PALM2AKAP2: variants seen among roughly 807,000 people sequenced by gnomAD.
PALM2AKAP2 encodes PALM2-AKAP2 fusion protein.
Under a neutral mutation model 71.5 loss-of-function variants are expected in PALM2AKAP2, and 37 were observed. That is an observed-to-expected ratio of 0.52 (90% CI 0.40 to 0.68). The LOEUF (loss-of-function observed/expected upper bound fraction) is 0.68. PALM2AKAP2 is among the 30% of genes least tolerant of loss of function. PALM2AKAP2 has a pLI of 0.00. For synonymous variants in PALM2AKAP2, 468 were observed against 478.8 expected, an observed-to-expected ratio of 0.98 and a Z score of 0.29; for missense variants, 1,224 against 1,191.8, an observed-to-expected ratio of 1.03 and a Z score of -0.40.
intron 1 of PALM2AKAP2, among the ~76,000 whole-genome samples, chr9:109,693,286 T>G (rs1827924407): frequency 6.6e-6 from 1 of 151,980 alleles, no homozygotes; most frequent in Non-Finnish European, 1.5e-5. Context: ...TCTCTCATTA[T>G]TCTGTCTGTA....
chr9:109,658,690 AT>A (rs1827344719), intron 1 of PALM2AKAP2, among the ~76,000 whole-genome samples: 1 of 152,192 alleles, frequency 6.6e-6, no homozygotes, highest in African/African-American at 2.4e-5. Context: ...CACATCTTAC[AT>A]GGCAGCAAGC....
intron 5 of PALM2AKAP2, among the ~76,000 whole-genome samples, chr9:109,926,821 T>C (rs1774025613): frequency 1.3e-5 from 2 of 152,214 alleles, no homozygotes; most frequent in African/African-American, 4.8e-5. Context: ...TCATACTCTG[T>C]GACTTGTTAA....
intron 1 of PALM2AKAP2, among the ~76,000 whole-genome samples, chr9:109,766,796 A>T (rs1437594122): frequency 1.3e-5 from 2 of 152,182 alleles, no homozygotes; most frequent in Non-Finnish European, 2.9e-5. Context: ...CATAATGTAG[A>T]TATTATTGTC....
At chr9:110,051,987 C>T (rs1041361012) in intron 1 of PALM2AKAP2, among the ~76,000 whole-genome samples, 1 of 151,844 alleles carries the variant, frequency 6.6e-6, no homozygotes, top group South Asian at 2.1e-4. Context: ...ACTGCAAGCT[C>T]CGCTTCCCCG....
rs564503526 is a variant in PALM2AKAP2 at position 109,854,649 on chromosome 9, G to A, written c.46-12842G>A. Among the ~76,000 whole-genome samples the A allele has an allele frequency of 5.3e-5, 8 of 151,338 alleles. No homozygotes were observed. In the South Asian group the frequency reaches 1.7e-3, roughly 32 times the overall value. On this transcript the variant is annotated intron_variant, in intron 1 of 9. Transcript: ENST00000302798. ...TTTAGCATGTATGCAGAGGATAGAT[G>A]CTATCCTGTAGCATGATCATTTATA...
chr9:110,129,132 G>T (rs1038210234), intron 1 of PALM2AKAP2, among the ~76,000 whole-genome samples: 2 of 152,186 alleles, frequency 1.3e-5, no homozygotes, highest in African/African-American at 4.8e-5. Flanking sequence ...TCCCCAGACC[G>T]TGCAAGAAGT....
intron 1 of PALM2AKAP2, among the ~76,000 whole-genome samples, chr9:110,085,032 G>A (rs1029538616): frequency 6.6e-5 from 10 of 152,142 alleles, no homozygotes; most frequent in African/African-American, 1.7e-4. Flanking sequence ...GAGCCACCGC[G>A]CCCGGCCTAG....
intron 1 of PALM2AKAP2, among the ~76,000 whole-genome samples, chr9:109,741,259 G>A (rs1170719634): frequency 6.6e-6 from 1 of 152,212 alleles, no homozygotes; most frequent in African/African-American, 2.4e-5. Context: ...TCAATGGAAT[G>A]TTTTAGAGAT....
At chr9:110,065,663 A>G (rs541006196) in intron 1 of PALM2AKAP2, among the ~76,000 whole-genome samples, 139 of 152,358 alleles carry the variant, frequency 9.1e-4, no homozygotes, top group African/African-American at 3.2e-3. Context: ...AACTCTTTCA[A>G]CTTGCAAAAC....
At chr9:109,980,095 C>T (rs1436085493) in intron 6 of PALM2AKAP2, among the ~76,000 whole-genome samples, 1 of 152,194 alleles carries the variant, frequency 6.6e-6, no homozygotes, top group Non-Finnish European at 1.5e-5. Flanking sequence ...TAAACCCTCA[C>T]TGTGCCCTGT....
chr9:109,923,416 A>G (rs1430931112), intron 3 of PALM2AKAP2, among the ~76,000 whole-genome samples: 2 of 152,222 alleles, frequency 1.3e-5, no homozygotes, highest in African/African-American at 4.8e-5. Context: ...GTCCTATGCT[A>G]TGTAAATATA....
chr9:109,780,769 A>T (rs1829431247), intron 1 of PALM2AKAP2, among the ~76,000 whole-genome samples: 1 of 152,122 alleles, frequency 6.6e-6, no homozygotes, highest in Non-Finnish European at 1.5e-5. Context: ...TTAAAAAAAG[A>T]TGCTTGCTGC....
chr9:109,972,177 C>T (rs1265492433), intron 6 of PALM2AKAP2, among the ~76,000 whole-genome samples: 1 of 152,188 alleles, frequency 6.6e-6, no homozygotes, highest in Non-Finnish European at 1.5e-5. Context: ...CCTATAAATA[C>T]AACTTCAACA....
At chr9:109,766,137 A>C (rs1829149579) in intron 1 of PALM2AKAP2, among the ~76,000 whole-genome samples, 1 of 152,216 alleles carries the variant, frequency 6.6e-6, no homozygotes, top group Non-Finnish European at 1.5e-5. Context: ...AAAGCACTTA[A>C]GGACATGCTA....
At chr9:109,953,957 T>G (rs1831696438) in intron 6 of PALM2AKAP2, among the ~76,000 whole-genome samples, 1 of 152,110 alleles carries the variant, frequency 6.6e-6, no homozygotes, top group African/African-American at 2.4e-5. Context: ...AGTTCTTATT[T>G]TGCACCTTTA....
rs566061055 is a variant in PALM2AKAP2, at chr9:110,025,272, C to T, written c.582+9233C>T. Reference sequence around the variant, plus strand: ...CACCTTTCTTATAGATTCGCATATACGTGGCCAAAGGAACAACTCCATGTT... The same window carrying T: ...CACCTTTCTTATAGATTCGCATATATGTGGCCAAAGGAACAACTCCATGTT... On this transcript the variant is annotated intron_variant, in intron 7 of 9. Transcript: ENST00000302798. The T allele has an allele frequency of 5.1e-5, 59 of 1,157,116 alleles. No homozygotes were observed. The East Asian group carries it at 5.1e-4, about 10-fold the overall frequency. 71.7% of individuals were successfully genotyped at this position (1,157,116 alleles called of 1,614,324 possible).
At chr9:109,804,304 G>A (rs1172002794) in intron 1 of PALM2AKAP2, among the ~76,000 whole-genome samples, 4 of 152,120 alleles carry the variant, frequency 2.6e-5, no homozygotes, top group African/African-American at 7.2e-5. Flanking sequence ...AATATCATCT[G>A]TATACTTTGA....
At chr9:109,977,861 T>C (rs1588041646) in intron 6 of PALM2AKAP2, among the ~76,000 whole-genome samples, 1 of 152,042 alleles carries the variant, frequency 6.6e-6, no homozygotes, top group African/African-American at 2.4e-5. Context: ...CACCTTGAAA[T>C]AGGGATAAAC....
chr9:110,166,343 T>A (rs572330596), intron 3 of PALM2AKAP2, among the ~76,000 whole-genome samples: 3 of 152,298 alleles, frequency 2.0e-5, no homozygotes, highest in Non-Finnish European at 4.4e-5. Flanking sequence ...CACAGTGCCT[T>A]CTGAGAAAGC....
Sources: gnomAD v4.1 joint callset for allele counts (sites outside exome capture counted in the v4.1 genomes callset) on GRCh38, gnomAD v4.1.1 for gene constraint, MANE v1.5 for transcripts, NCBI Gene and HGNC (gene_info 2026-07-23, HGNC 2026-07-21) for gene names.